The following SSBP3 variants were observed in gnomAD, a reference collection of about 807,000 sequenced individuals.
SSBP3 encodes the protein single stranded DNA binding protein 3, also known as single-stranded DNA-binding protein 3.
Under a neutral mutation model 69.6 loss-of-function variants are expected in SSBP3, and 5 were observed. The observed-to-expected ratio is 0.07, with a 90% CI of 0.04 to 0.15. SSBP3 has a LOEUF of 0.15. Among genes scored for constraint, SSBP3 ranks in the 10% least tolerant of loss-of-function variants. The pLI is 1.00. For synonymous variants in SSBP3, 196 were observed against 193.4 expected (o/e 1.01, Z -0.11); for missense variants, 312 against 534.0 (o/e 0.58, Z 4.10).
At chr1:54,330,466 G>A (rs1646388744) in intron 4 of SSBP3, among the ~76,000 whole-genome samples, 1 of 152,180 alleles carries the variant, frequency 6.6e-6, no homozygotes, top group Middle Eastern at 3.2e-3. Context: ...AGTTCTTTCT[G>A]GCATTGAGTG....
At chr1:54,363,698 C>A (rs561318747) in intron 4 of SSBP3, among the ~76,000 whole-genome samples, 9 of 152,156 alleles carry the variant, frequency 5.9e-5, no homozygotes, top group East Asian at 1.9e-4. Context: ...AAACAAAAAA[C>A]CAAATTTTAA....
exon 1 of SSBP3, chr1:54,405,955 T>G: frequency 7.1e-7 from 1 of 1,413,572 alleles, no homozygotes; most frequent in Non-Finnish European, 9.4e-7. Flanking sequence ...GGGCTTACTT[T>G]TCCCGAGCCT....
At chr1:54,342,038 A>G (rs992213302) in intron 4 of SSBP3, among the ~76,000 whole-genome samples, 2 of 152,244 alleles carry the variant, frequency 1.3e-5, no homozygotes, top group African/African-American at 4.8e-5. Context: ...GCGGACTGAC[A>G]CCACACTGTG....
intron 4 of SSBP3, among the ~76,000 whole-genome samples, chr1:54,326,096 A>G (rs1405481194): frequency 1.3e-5 from 2 of 152,160 alleles, no homozygotes; most frequent in Non-Finnish European, 2.9e-5. Context: ...CAGCAGCCGC[A>G]GCTCAAACTC....
chr1:54,240,642 CCAA>C (rs1163977232), intron 13 of SSBP3, among the ~76,000 whole-genome samples: 1 of 152,108 alleles, frequency 6.6e-6, no homozygotes, highest in East Asian at 1.9e-4. Context: ...AGGGTTCTTC[CCAA>C]CAAAAGGGAT....
At chr1:54,276,230 C>T (rs978633160) in intron 5 of SSBP3, among the ~76,000 whole-genome samples, 1 of 152,170 alleles carries the variant, frequency 6.6e-6, no homozygotes, top group African/African-American at 2.4e-5. Flanking sequence ...AGCTGGGACC[C>T]CTCCTCCAGG....
upstream of SSBP3, chr1:54,406,549 C>A (rs1384378064): frequency 6.6e-6 from 1 of 151,938 alleles, no homozygotes; most frequent in East Asian, 1.9e-4. Flanking sequence ...GCGGCAGTCC[C>A]CGCTGCGGCC....
chr1:54,321,706 A>T (rs1646216765), intron 4 of SSBP3, among the ~76,000 whole-genome samples: 1 of 152,248 alleles, frequency 6.6e-6, no homozygotes, highest in Non-Finnish European at 1.5e-5. Context: ...TAAGCCCTCA[A>T]AGGACAACCG....
intron 4 of SSBP3, among the ~76,000 whole-genome samples, chr1:54,332,117 G>C (rs1483781074): frequency 1.3e-5 from 2 of 152,250 alleles, no homozygotes; most frequent in African/African-American, 4.8e-5. Flanking sequence ...GAAGGGCTGA[G>C]AGTGGATTCC....
intron 4 of SSBP3, among the ~76,000 whole-genome samples, chr1:54,373,976 C>T (rs1220198554): frequency 6.6e-6 from 1 of 152,102 alleles, no homozygotes; most frequent in Non-Finnish European, 1.5e-5. Flanking sequence ...GTTATCCCCA[C>T]TAGACTCTTT....
upstream of SSBP3, among the ~76,000 whole-genome samples, chr1:54,406,654 G>C (rs1162305937): frequency 6.6e-6 from 1 of 151,974 alleles, no homozygotes; most frequent in Admixed American, 6.5e-5. Context: ...GGGCGACGTG[G>C]ATCGGGCTGG....
intron 4 of SSBP3, among the ~76,000 whole-genome samples, chr1:54,299,599 G>T (rs1461964777): frequency 1.3e-5 from 2 of 151,918 alleles, no homozygotes; most frequent in East Asian, 1.9e-4. Flanking sequence ...TTAGGAAAAT[G>T]AGAGTCAAAG....
chr1:54,257,585 G>A (rs900613064), intron 6 of SSBP3, among the ~76,000 whole-genome samples: 1 of 152,086 alleles, frequency 6.6e-6, no homozygotes, highest in Non-Finnish European at 1.5e-5. Context: ...ACACGAGCAC[G>A]CACACAGGCA....
chr1:54,251,024 AT>A (rs1644819847), intron 9 of SSBP3, among the ~76,000 whole-genome samples: 1 of 152,182 alleles, frequency 6.6e-6, no homozygotes, highest in South Asian at 2.1e-4. Context: ...TGGTCAAAGA[AT>A]CCCGGCTGAA....
At chr1:54,366,679 A>G (rs926735866) in intron 4 of SSBP3, among the ~76,000 whole-genome samples, 1 of 152,176 alleles carries the variant, frequency 6.6e-6, no homozygotes, top group Non-Finnish European at 1.5e-5. Flanking sequence ...TTCACTTCTT[A>G]TTTTATATAC....
At chr1:54,288,335 C>CCTG (rs1023028160) in intron 4 of SSBP3, among the ~76,000 whole-genome samples, 1 of 152,166 alleles carries the variant, frequency 6.6e-6, no homozygotes, top group African/African-American at 2.4e-5. Flanking sequence ...CAGCTGATGT[C>CCTG]CTGCTGCTCC....
chr1:54,382,615 A>G (rs1647735310), intron 4 of SSBP3, among the ~76,000 whole-genome samples: 1 of 152,218 alleles, frequency 6.6e-6, no homozygotes, highest in Non-Finnish European at 1.5e-5. Flanking sequence ...TATTAGGACA[A>G]TTTTAGCAGA....
intron 4 of SSBP3, among the ~76,000 whole-genome samples, chr1:54,318,029 A>T (rs1646145401): frequency 6.6e-6 from 1 of 152,110 alleles, no homozygotes; most frequent in Non-Finnish European, 1.5e-5. Flanking sequence ...TGGCCTCCCA[A>T]ATTGGTGGGA....
intron 5 of SSBP3, among the ~76,000 whole-genome samples, chr1:54,273,011 G>A (rs777182922): frequency 3.3e-5 from 5 of 152,220 alleles, no homozygotes; most frequent in Non-Finnish European, 7.3e-5. Flanking sequence ...TTGAAGAGAG[G>A]AGTGAGAGTC....
Sources: allele counts gnomAD v4.1 joint callset (sites outside exome capture counted in the v4.1 genomes callset), GRCh38; gene constraint gnomAD v4.1.1; transcripts MANE v1.5; gene names NCBI Gene and HGNC (gene_info 2026-07-23, HGNC 2026-07-21).